TAFA5: variants seen among roughly 807,000 people sequenced by gnomAD.
TAFA5 encodes TAFA chemokine like family member 5, also known as chemokine-like protein TAFA-5.
Under a neutral mutation model 15.3 loss-of-function variants are expected in TAFA5, and 6 were observed. The ratio of observed to expected loss-of-function variants is 0.39; its 90% CI spans 0.21 to 0.77. The LOEUF (loss-of-function observed/expected upper bound fraction) is 0.77. Among genes scored for constraint, TAFA5 ranks in the 30% least tolerant of loss-of-function variants. The pLI is 0.41. For missense variants in TAFA5, 161 were observed against 193.1 expected (o/e 0.83, Z 0.98); for synonymous variants, 103 against 80.7 (o/e 1.28, Z -1.48).
intron 2 of TAFA5, among the ~76,000 whole-genome samples, chr22:48,675,002 C>T (rs1461644790): frequency 8.0e-5 from 12 of 150,884 alleles, no homozygotes; most frequent in African/African-American, 2.4e-4. Context: ...AGTGCAGTGG[C>T]GCGATCTCGG....
At chr22:48,730,753 G>A (rs1929847564) in intron 3 of TAFA5, among the ~76,000 whole-genome samples, 1 of 152,202 alleles carries the variant, frequency 6.6e-6, no homozygotes, top group South Asian at 2.1e-4. Flanking sequence ...ACACTTCACA[G>A]ATGGATGTTT....
intron 1 of TAFA5, among the ~76,000 whole-genome samples, chr22:48,548,076 G>C (rs1025389873): frequency 3.9e-5 from 6 of 152,230 alleles, no homozygotes; most frequent in Non-Finnish European, 7.3e-5. Flanking sequence ...TCCCCCGAGT[G>C]AACATGGCAG....
chr22:48,705,228 G>A (rs1393047096), intron 2 of TAFA5, among the ~76,000 whole-genome samples: 2 of 152,026 alleles, frequency 1.3e-5, no homozygotes, highest in African/African-American at 4.8e-5. Flanking sequence ...CTGGCTGTGG[G>A]TGTGAAGGTG....
chr22:48,543,616 T>C (rs1922545218), intron 1 of TAFA5: 1 of 152,516 alleles, frequency 6.6e-6, no homozygotes, highest in African/African-American at 2.4e-5. Flanking sequence ...GCAGTGGAGA[T>C]GGCTGCACCT....
At chr22:48,695,280 C>T (rs1928675420) in intron 2 of TAFA5, among the ~76,000 whole-genome samples, 2 of 152,158 alleles carry the variant, frequency 1.3e-5, no homozygotes, top group Non-Finnish European at 2.9e-5. Context: ...ACTCGAGGGA[C>T]ACTCTTCTGG....
At chr22:48,619,862 C>A (rs1391485198) in intron 1 of TAFA5, among the ~76,000 whole-genome samples, 1 of 152,216 alleles carries the variant, frequency 6.6e-6, no homozygotes, top group East Asian at 1.9e-4. Context: ...GGCTCAGGAG[C>A]CCCTGAGAGC....
intron 1 of TAFA5, among the ~76,000 whole-genome samples, chr22:48,568,974 C>T (rs1009569224): frequency 1.3e-5 from 2 of 152,226 alleles, no homozygotes; most frequent in African/African-American, 2.4e-5. Context: ...CTTGTGCTCA[C>T]GGCCAGGGCT....
chr22:48,713,793 G>A (rs1183098077), intron 3 of TAFA5, among the ~76,000 whole-genome samples: 5 of 152,190 alleles, frequency 3.3e-5, no homozygotes, highest in South Asian at 2.1e-4. Context: ...CTGCAAGCTC[G>A]GAGCCTGGAG....
intron 1 of TAFA5, among the ~76,000 whole-genome samples, chr22:48,536,723 CTTTG>C (rs1316742459): frequency 1.3e-5 from 2 of 152,200 alleles, no homozygotes; most frequent in African/African-American, 4.8e-5. Context: ...GACAGAGTGC[CTTTG>C]TTTGCAGCCA....
At chr22:48,540,066 C>T (rs1011281976) in intron 1 of TAFA5, among the ~76,000 whole-genome samples, 6 of 152,158 alleles carry the variant, frequency 3.9e-5, no homozygotes, top group Non-Finnish European at 8.8e-5. Flanking sequence ...GGGTAAAAGC[C>T]GGCAAGCCTT....
In TAFA5 at chr22:48,686,371, G is replaced by A. The variant is rs1928354160; in HGVS notation, c.263-21346G>A. 2.0e-5 allele frequency among the ~76,000 whole-genome samples: 3 copies of A among 152,176 alleles called. No homozygotes were observed. In the South Asian group the frequency reaches 6.2e-4, roughly 32 times the overall value. On this transcript the variant is annotated intron_variant, in intron 2 of 3. Coordinates refer to ENST00000402357, the MANE Select transcript of TAFA5 (RefSeq NM_001082967.3). ...GGTGAGCACTCTCTTCTGGTTTGCA[G>A]ACAACTGTCTTCTGGCTGTGTCCTC...
At chr22:48,623,066 C>T (rs549542997) in intron 1 of TAFA5, among the ~76,000 whole-genome samples, 24 of 152,370 alleles carry the variant, frequency 1.6e-4, no homozygotes, top group African/African-American at 5.0e-4. Flanking sequence ...AGGGCGAGCT[C>T]GGCCCTGCAG....
intron 3 of TAFA5, among the ~76,000 whole-genome samples, chr22:48,738,707 C>T (rs1322210734): frequency 3.3e-5 from 5 of 152,216 alleles, no homozygotes; most frequent in African/African-American, 7.2e-5. Context: ...CAACATTCCC[C>T]GGGCAGGGTG....
At chr22:48,563,676 C>G (rs1431082925) in intron 1 of TAFA5, among the ~76,000 whole-genome samples, 1 of 152,244 alleles carries the variant, frequency 6.6e-6, no homozygotes, top group Admixed American at 6.5e-5. Flanking sequence ...GGCCTCCTCC[C>G]TCTGAGCAGC....
At chr22:48,703,848 C>A (rs1569086738) in intron 2 of TAFA5, among the ~76,000 whole-genome samples, 1 of 152,246 alleles carries the variant, frequency 6.6e-6, no homozygotes, top group African/African-American at 2.4e-5. Flanking sequence ...AACCCCACTC[C>A]TGCTGGCCCA....
intron 1 of TAFA5, among the ~76,000 whole-genome samples, chr22:48,542,822 G>A (rs970818938): frequency 6.7e-6 from 1 of 150,206 alleles, no homozygotes. Context: ...TATGGTGTGT[G>A]TGTGTGGTGT....
chr22:48,554,044 G>A lies in TAFA5; in HGVS notation c.112+64340G>A, dbSNP rs563869309. Among the ~76,000 whole-genome samples the A allele has an allele frequency of 3.0e-4, 45 of 152,316 alleles. 1 individual carries two copies. The highest frequency in any genetic ancestry group is 3.4e-3 in the Middle Eastern group (1 of 294). On this transcript the variant is annotated intron_variant, in intron 1 of 3. Coordinates refer to ENST00000402357, the MANE Select transcript of TAFA5 (RefSeq NM_001082967.3). ...CAGGCTTCCTTTTTATCCTGCTCCC[G>A]CTTCCAGAACCCAGGTCCTCGGGCG...
intron 2 of TAFA5, among the ~76,000 whole-genome samples, chr22:48,654,918 G>A (rs1927183503): frequency 6.6e-6 from 1 of 152,210 alleles, no homozygotes; most frequent in African/African-American, 2.4e-5. Flanking sequence ...CTGAGGGCTG[G>A]GAGGAGGGGC....
intron 3 of TAFA5, among the ~76,000 whole-genome samples, chr22:48,708,739 A>G (rs1929160979): frequency 6.6e-6 from 1 of 152,220 alleles, no homozygotes; most frequent in Non-Finnish European, 1.5e-5. Flanking sequence ...GGAATAGGTC[A>G]GGGAGATCTG....
Sources: allele counts gnomAD v4.1 joint callset (sites outside exome capture counted in the v4.1 genomes callset), GRCh38; gene constraint gnomAD v4.1.1; transcripts MANE v1.5; gene names NCBI Gene and HGNC (gene_info 2026-07-23, HGNC 2026-07-21).